Variants in STKLD1 observed in about 807,000 individuals in gnomAD.
The protein encoded by STKLD1 is serine/threonine kinase like domain containing 1.
Under a neutral mutation model 80.4 loss-of-function variants are expected in STKLD1, and 79 were observed. The ratio of observed to expected loss-of-function variants is 0.98; its 90% CI spans 0.82 to 1.19. The LOEUF is 1.19. Ranked by LOEUF, STKLD1 falls within the 50% of genes most tolerant of loss-of-function variation. The pLI is 0.00. For missense variants in STKLD1, 841 were observed against 856.0 expected, an observed-to-expected ratio of 0.98 and a Z score of 0.22; for synonymous variants, 393 against 357.6, an observed-to-expected ratio of 1.10 and a Z score of -1.12.
chr9:133,401,821 G>C lies in STKLD1; in HGVS notation c.1282G>C (p.Glu428Gln). ...TLLSALQSHP[E>Q]EEPLLVMVYS... ...GCTGAGTGCTCTTCAGAGCCACCCCGAGGAGGAGCCACTTCTTGTCATGGT... is the reference window on the plus strand; with the variant it reads ...GCTGAGTGCTCTTCAGAGCCACCCCCAGGAGGAGCCACTTCTTGTCATGGT... The change falls in exon 13 of 18, where the codon GAG becomes CAG. Residue 428 changes from glutamate to glutamine, a missense_variant. Physicochemically the swap from Glu to Gln is conservative, Grantham distance 29. Coordinates refer to ENST00000371957, the MANE Select transcript of STKLD1 (RefSeq NM_153710.5). The C allele has an allele frequency of 3.7e-6, 6 of 1,613,644 alleles. No homozygotes were observed. The highest frequency in any genetic ancestry group is 5.1e-6 in the Non-Finnish European group (6 of 1,180,000).
chr9:133,399,772 A>C (rs1450779906), intron 11 of STKLD1, among the ~76,000 whole-genome samples: 1 of 151,966 alleles, frequency 6.6e-6, no homozygotes, highest in Admixed American at 6.5e-5. Context: ...TCAGCTACGC[A>C]GGAGGCTGAG....
In STKLD1 at chr9:133,394,493, T is replaced by A; in HGVS notation, c.702+84T>A. 1.0e-6 allele frequency: 1 copy of A among 961,754 alleles called. No homozygotes were observed. Among genetic ancestry groups the A allele is most frequent in the East Asian group, 2.4e-5 (1 of 41,364 alleles). 59.6% of individuals were successfully genotyped at this position (961,754 alleles called of 1,614,324 possible). A position where few individuals can be genotyped will look rare whatever the true frequency, so the allele number is the denominator to read the frequency against. On this transcript the variant is annotated intron_variant, in intron 8 of 17. Coordinates refer to ENST00000371957, the MANE Select transcript of STKLD1 (RefSeq NM_153710.5). This position sits in a 1 kb window ranked among gnomAD's most constrained non-coding sequence, Gnocchi z 4.9. ...GGAAAAGGCTTGGCCTCACCCTGCC[T>A]CCCCTCTGCATCCCTTCCCCTGGCT...
In STKLD1 at chr9:133,389,520, C is replaced by A. The variant is rs2130284256; in HGVS notation, c.397-6C>A. The A allele has an allele frequency of 6.2e-7, 1 of 1,613,028 alleles. No homozygotes were observed. Among genetic ancestry groups the A allele is most frequent in the African/African-American group, 1.3e-5 (1 of 74,928 alleles). On this transcript the variant is annotated splice_polypyrimidine_tract_variant and splice_region_variant and intron_variant, in intron 5 of 17. Transcript: ENST00000371957. This position sits in a 1 kb window ranked among gnomAD's most constrained non-coding sequence, Gnocchi z 6.4. ...CCCATCCTGGCACCCCCTACTTCTC[C>A]CCCAGTGGATGCAGAATGTGCTGGG...
Position 133,394,364 on chromosome 9 carries a change from C to T in STKLD1, c.657C>T (p.Ser219=), listed in dbSNP as rs199843775. The part of the protein sequence containing the change: ...FSFSQKSDIW[S]LGCIILDMTS... ...TCAGCCAGAAATCAGACATCTGGTC[C>T]CTGGGCTGCATCATTCTGGACATGA... is the stretch of plus-strand genomic sequence containing the variant. Residue 219 remains serine, a synonymous_variant, in exon 8 of 18, where the codon TCC becomes TCT. Transcript: ENST00000371957. This position sits in a 1 kb window ranked among gnomAD's most constrained non-coding sequence, Gnocchi z 4.9. 2.0e-4 allele frequency: 323 copies of T among 1,613,906 alleles called. 8 individuals are homozygous for T. The South Asian group carries it at 3.3e-3, about 17-fold the overall frequency.
intron 14 of STKLD1, 96 bp from the exon 15 acceptor site, chr9:133,403,604 C>T (rs782757732): frequency 8.3e-5 from 123 of 1,475,792 alleles, no homozygotes; most frequent in Non-Finnish European, 1.0e-4. Flanking sequence ...CTGCTGTTGT[C>T]GTTAGCTGGA....
chr9:133,399,769 C>T (rs781951110), intron 11 of STKLD1, among the ~76,000 whole-genome samples: 15 of 151,888 alleles, frequency 9.9e-5, no homozygotes, highest in Non-Finnish European at 1.6e-4. Context: ...ATCTCAGCTA[C>T]GCAGGAGGCT....
chr9:133,402,555 A>G (rs781789976), intron 13 of STKLD1, among the ~76,000 whole-genome samples: 8 of 152,250 alleles, frequency 5.3e-5, no homozygotes, highest in Non-Finnish European at 1.0e-4. Context: ...GGGCCCCGTC[A>G]TGGTTCCATC....
chr9:133,404,658 C>A (rs1838799337), intron 16 of STKLD1, 131 bp from the exon 17 acceptor site: 2 of 1,300,750 alleles, frequency 1.5e-6, no homozygotes, highest in East Asian at 2.4e-5. Flanking sequence ...GCTGATGGGG[C>A]CTCCTGGGTC....
In STKLD1 at chr9:133,405,430, AT is replaced by A. The variant is rs1179096881; in HGVS notation, c.*10del. ...CTGGGGGACTGGAATAGATGTTTGT[AT>A]GGAACTGACCTTGATCTCCACGTGT... is the stretch of plus-strand genomic sequence containing the variant. On this transcript the variant is annotated 3_prime_UTR_variant, in exon 18 of 18. Coordinates refer to ENST00000371957, the MANE Select transcript of STKLD1 (RefSeq NM_153710.5). 1 of 1,598,958 alleles carries A rather than the reference AT, an allele frequency of 6.3e-7. No homozygotes were observed. Among genetic ancestry groups the A allele is most frequent in the Non-Finnish European group, 8.5e-7 (1 of 1,176,726 alleles).
At position 133,385,124 on chromosome 9, in the gene STKLD1, A is replaced by G. The variant is rs1044828294; in HGVS notation, c.220-493A>G. On this transcript the variant is annotated intron_variant, in intron 3 of 17. Transcript: ENST00000371957. The surrounding 1 kb of genome is among the most constrained non-coding windows in gnomAD (Gnocchi z 4.9). The stretch of plus-strand genomic sequence containing the variant: ...GGTAGGCCACCTGCTTTCATGCCCA[A>G]CCTTCCACCCCAAGCAGTTGTCTGT... 6.6e-6 allele frequency among the ~76,000 whole-genome samples: 1 copy of G among 152,114 alleles called. No homozygotes were observed. The highest frequency in any genetic ancestry group is 1.5e-5 in the Non-Finnish European group (1 of 68,022).
At chr9:133,388,839 C>T (rs1472917941) in intron 5 of STKLD1, 6 of 985,288 alleles carry the variant, frequency 6.1e-6, no homozygotes, top group African/African-American at 1.7e-5. Flanking sequence ...CTTCTCTTAC[C>T]ATGGGCCTCA....
intron 5 of STKLD1, chr9:133,387,803 A>T (rs2130280868): frequency 3.3e-6 from 2 of 605,740 alleles, no homozygotes; most frequent in East Asian, 7.0e-5. Flanking sequence ...CCAGTCGGTG[A>T]CCATGATTCC....
At chr9:133,399,220 C>T (rs975962312) in intron 11 of STKLD1, among the ~76,000 whole-genome samples, 2 of 152,206 alleles carry the variant, frequency 1.3e-5, no homozygotes, top group Admixed American at 1.3e-4. Context: ...TTTTCACCTG[C>T]CTGAACATTA....
Position 133,394,089 on chromosome 9 carries a change from A to G in STKLD1, c.584-202A>G. ...AGCTTCAGTGGCTCCAGATCAACAC[A>G]AAGCTCCCGCTGATTGGGGCCTCTT... is the stretch of plus-strand genomic sequence containing the variant. On this transcript the variant is annotated intron_variant, in intron 7 of 17. Transcript: ENST00000371957. The surrounding 1 kb of genome is among the most constrained non-coding windows in gnomAD (Gnocchi z 4.9). The G allele has an allele frequency of 1.6e-6, 1 of 606,926 alleles. No individual in the cohort carries two copies. The highest frequency in any genetic ancestry group is 3.0e-6 in the Non-Finnish European group (1 of 337,214). The allele number at this position is 606,926 out of a possible 1,614,324, so 37.6% of individuals were successfully genotyped here.
rs2130278467 is a variant in STKLD1, at chr9:133,386,952, A to T, written c.295-495A>T. Among the ~76,000 whole-genome samples, 16 of 152,192 alleles carry T rather than the reference A, an allele frequency of 1.1e-4. No individual in the cohort carries two copies. In the South Asian group the frequency reaches 2.5e-3, roughly 24 times the overall value. The stretch of plus-strand genomic sequence containing the variant: ...AGGGGACCTCACTGCATGCACTCCC[A>T]AAGATTTTCTGAGCACCCCCTAATG... On this transcript the variant is annotated intron_variant, in intron 4 of 17. Transcript: ENST00000371957.
rs1838713961 is a variant in STKLD1, at chr9:133,401,819, C to A, written c.1280C>A (p.Pro427His). The A allele has an allele frequency of 1.2e-6, 2 of 1,613,704 alleles. No individual in the cohort carries two copies. Among genetic ancestry groups the A allele is most frequent in the Non-Finnish European group, 1.7e-6 (2 of 1,180,008 alleles). Residue 427 changes from proline to histidine, a missense_variant, in exon 13 of 18, where the codon CCC becomes CAC. Physicochemically the swap from Pro to His is moderately conservative, Grantham distance 77. Transcript: ENST00000371957. ...STLLSALQSH[P>H]EEEPLLVMVY... ...CTGCTGAGTGCTCTTCAGAGCCACC[C>A]CGAGGAGGAGCCACTTCTTGTCATG...
Position 133,376,419 on chromosome 9 carries a change from C to A in STKLD1, c.-55C>A, listed in dbSNP as rs1837947564. 1 of 1,495,374 alleles carries A rather than the reference C, an allele frequency of 6.7e-7. No individual in the cohort carries two copies. Among genetic ancestry groups the A allele is most frequent in the Non-Finnish European group, 8.9e-7 (1 of 1,121,660 alleles). The allele number at this position is 1,495,374 out of a possible 1,614,324, so 92.6% of individuals were successfully genotyped here. ...GGAGGATCCCGCGGGTCCCACTGAC[C>A]CACGCGGGGTGGGGCCAGGGGTGGA... is the stretch of plus-strand genomic sequence containing the variant. On this transcript the variant is annotated 5_prime_UTR_variant, in exon 1 of 18. Transcript: ENST00000371957.
chr9:133,405,977 A>C lies in STKLD1; in HGVS notation c.*556A>C, dbSNP rs7857017. On this transcript the variant is annotated 3_prime_UTR_variant, in exon 18 of 18. Coordinates refer to ENST00000371957, the MANE Select transcript of STKLD1 (RefSeq NM_153710.5). ...TGGCCAGTGGGATACTTAATTCTGC[A>C]GTCTCTATAGACCTCGCCCCTGGAC... The C allele has an allele frequency of 0.1, 16,029 of 153,026 alleles. 1,055 individuals are homozygous for C. The highest frequency in any genetic ancestry group is 0.18 in the African/African-American group (7,510 of 41,508). 9.5% of individuals were successfully genotyped at this position (153,026 alleles called of 1,614,324 possible).
At position 133,405,243 on chromosome 9, in the gene STKLD1, C is replaced by G. The variant is rs1314897571; in HGVS notation, c.1874-9C>G. On this transcript the variant is annotated splice_polypyrimidine_tract_variant and intron_variant, in intron 17 of 17. Coordinates refer to ENST00000371957, the MANE Select transcript of STKLD1 (RefSeq NM_153710.5). ...CTCTGGCCTCAGGACCTTCCTGCTC[C>G]ACCTGCAGAGGAGATCCTGCCGGAG... is the stretch of plus-strand genomic sequence containing the variant. The G allele has an allele frequency of 6.3e-7, 1 of 1,591,624 alleles. No homozygotes were observed. The highest frequency in any genetic ancestry group is 1.7e-5 in the Admixed American group (1 of 57,458).
Sources: gnomAD v4.1 joint callset for allele counts (sites outside exome capture counted in the v4.1 genomes callset) on GRCh38, gnomAD v4.1.1 for gene constraint, Gnocchi (gnomAD v3.1) non-coding constraint, MANE v1.5 for transcripts, NCBI Gene and HGNC (gene_info 2026-07-23, HGNC 2026-07-21) for gene names.